The following PRKN variants were observed in gnomAD, a reference collection of about 807,000 sequenced individuals.
The protein encoded by PRKN is parkin RBR E3 ubiquitin protein ligase, also known as E3 ubiquitin-protein ligase parkin.
PRKN carries 56 observed loss-of-function variants against 59.5 expected under a neutral mutation model. The ratio of observed to expected loss-of-function variants is 0.94; its 90% confidence interval spans 0.76 to 1.18. The LOEUF (loss-of-function observed/expected upper bound fraction) is 1.18, where lower values mean the gene tolerates loss of function less well. PRKN is among the 50% of genes most tolerant of loss of function. PRKN has a pLI of 0.00. For missense variants in PRKN, 657 were observed against 596.4 expected (o/e 1.10, Z -1.06); for synonymous variants, 250 against 222.1 (o/e 1.13, Z -1.12).
chr6:162,727,341 G>GTGAGGGGCGGCGGCGGGGCGA (rs2128242793), intron 1 of PRKN: 1 of 404,520 alleles, frequency 2.5e-6, no homozygotes, highest in Non-Finnish European at 4.4e-6. Flanking sequence ...CGGGGAGAAG[G>GTGAGGGGCGGCGGCGGGGCGA]CTTCGGGACC....
At chr6:162,058,987 C>T (rs1314810168) in intron 4 of PRKN, among the ~76,000 whole-genome samples, 1 of 150,916 alleles carries the variant, frequency 6.6e-6, no homozygotes, top group Non-Finnish European at 1.5e-5. Context: ...AGAAGTAGCA[C>T]CAATAATTAA....
intron 5 of PRKN, among the ~76,000 whole-genome samples, chr6:162,005,430 A>G (rs1782211598): frequency 6.6e-6 from 1 of 152,154 alleles, no homozygotes. Flanking sequence ...CGACCTCTTC[A>G]CTTTGATTAA....
intron 2 of PRKN, among the ~76,000 whole-genome samples, chr6:162,293,317 T>G (rs146153461): frequency 6.6e-5 from 10 of 152,210 alleles, no homozygotes; most frequent in African/African-American, 9.6e-5. Context: ...AAAGAGTATT[T>G]CTCAAAGGGG....
At chr6:161,653,540 G>A (rs935613945) in intron 7 of PRKN, among the ~76,000 whole-genome samples, 1 of 152,052 alleles carries the variant, frequency 6.6e-6, no homozygotes, top group South Asian at 2.1e-4. Context: ...AATATCATCC[G>A]GGTGCGTGCC....
chr6:162,590,186 A>G (rs1781246110), intron 1 of PRKN, among the ~76,000 whole-genome samples: 1 of 152,200 alleles, frequency 6.6e-6, no homozygotes, highest in South Asian at 2.1e-4. Flanking sequence ...AAAGTAATAA[A>G]TGCTCATTAT....
intron 4 of PRKN, among the ~76,000 whole-genome samples, chr6:162,077,018 T>C (rs1188196628): frequency 1.3e-5 from 2 of 151,966 alleles, no homozygotes; most frequent in African/African-American, 4.8e-5. Flanking sequence ...GCATGATGAG[T>C]GTGTCACTTC....
intron 2 of PRKN, among the ~76,000 whole-genome samples, chr6:162,310,919 C>T (rs1782481414): frequency 6.6e-6 from 1 of 151,940 alleles, no homozygotes; most frequent in African/African-American, 2.4e-5. Flanking sequence ...CATATTATTA[C>T]ATAATTATTA....
chr6:161,651,220 A>G (rs1784137790), intron 7 of PRKN, among the ~76,000 whole-genome samples: 1 of 152,240 alleles, frequency 6.6e-6, no homozygotes, highest in African/African-American at 2.4e-5. Flanking sequence ...TTAGGTTCCA[A>G]TTAGCAGGGT....
chr6:162,040,951 G>A (rs1459039217), intron 5 of PRKN, among the ~76,000 whole-genome samples: 3 of 151,504 alleles, frequency 2.0e-5, no homozygotes, highest in African/African-American at 7.3e-5. Flanking sequence ...TTGGGAAGCC[G>A]AGGTGGGTAG....
chr6:161,760,239 G>A (rs1194459474), intron 7 of PRKN, among the ~76,000 whole-genome samples: 1 of 142,538 alleles, frequency 7.0e-6, no homozygotes, highest in African/African-American at 2.6e-5. Flanking sequence ...ACAATGCCAC[G>A]ATGTCAGACT....
At chr6:162,213,770 T>C (rs1443404311) in intron 3 of PRKN, among the ~76,000 whole-genome samples, 1 of 148,774 alleles carries the variant, frequency 6.7e-6, no homozygotes, top group Non-Finnish European at 1.5e-5. Context: ...TGTAGAATTA[T>C]TACTATAGTA....
rs1784637991 is a variant in PRKN at position 161,353,439 on chromosome 6, G to T, written c.1286-3228C>A. Among the ~76,000 whole-genome samples, 1 of 151,988 alleles carries T rather than the reference G, an allele frequency of 6.6e-6. No homozygotes were observed. Among genetic ancestry groups the T allele is most frequent in the Non-Finnish European group, 1.5e-5 (1 of 67,998 alleles). On this transcript the variant is annotated intron_variant, in intron 11 of 11. Transcript: ENST00000366898. The surrounding 1 kb of genome is among the most constrained non-coding windows in gnomAD (Gnocchi z 4.8). ...TTTCTGTCCCACCGCATTTCAACACGGCTGTCCATGCTTCCATCGTGCCTA... is the reference window on the plus strand; with the variant it reads ...TTTCTGTCCCACCGCATTTCAACACTGCTGTCCATGCTTCCATCGTGCCTA...
intron 8 of PRKN, among the ~76,000 whole-genome samples, chr6:161,564,050 A>C (rs1276231322): frequency 6.6e-6 from 1 of 152,206 alleles, no homozygotes; most frequent in Non-Finnish European, 1.5e-5. Flanking sequence ...TTGTCCAAGG[A>C]TGCTTGTAAC....
intron 2 of PRKN, among the ~76,000 whole-genome samples, chr6:162,348,501 A>G: frequency 6.6e-6 from 1 of 152,182 alleles, no homozygotes; most frequent in East Asian, 1.9e-4. Context: ...AATCAATGAC[A>G]TTTTCTATAA....
intron 6 of PRKN, among the ~76,000 whole-genome samples, chr6:161,946,734 A>T (rs1779796273): frequency 6.6e-6 from 1 of 152,194 alleles, no homozygotes. Context: ...CTGTAAAGAT[A>T]CATGTACACT....
At chr6:162,675,287 AT>A (rs1562488190) in intron 1 of PRKN, among the ~76,000 whole-genome samples, 1 of 151,856 alleles carries the variant, frequency 6.6e-6, no homozygotes, top group Non-Finnish European at 1.5e-5. Context: ...TGACCTCATG[AT>A]CCCCCCCGCC....
In PRKN at chr6:161,360,306, G is replaced by C; in HGVS notation, c.1168-101C>G. ...CGGTACAGGAAATTCTTGAAGACAG[G>C]AGTGCCTTCGGGCAAGAAGCCTAAA... On this transcript the variant is annotated intron_variant, in intron 10 of 11. Coordinates refer to ENST00000366898, the MANE Select transcript of PRKN (RefSeq NM_004562.3). This position sits in a 1 kb window ranked among gnomAD's most constrained non-coding sequence, Gnocchi z 5.1. 1 of 954,728 alleles carries C rather than the reference G, an allele frequency of 1.0e-6. No homozygotes were observed. The highest frequency in any genetic ancestry group is 1.7e-6 in the Non-Finnish European group (1 of 581,558). The allele number at this position is 954,728 out of a possible 1,614,324, so 59.1% of individuals were successfully genotyped here. A position where few individuals can be genotyped will look rare whatever the true frequency, so the allele number is the denominator to read the frequency against.
intron 1 of PRKN, among the ~76,000 whole-genome samples, chr6:162,653,819 G>A (rs2803098): frequency 0.92 from 139,511 of 152,270 alleles, 64,063 homozygotes; most frequent in Admixed American, 0.97. Flanking sequence ...CTTCATAGTA[G>A]TTAAAACAGA....
intron 1 of PRKN, among the ~76,000 whole-genome samples, chr6:162,727,444 G>C (rs1485113898): frequency 6.6e-6 from 1 of 152,104 alleles, no homozygotes; most frequent in Non-Finnish European, 1.5e-5. Flanking sequence ...GCTCAGAGCA[G>C]GGGCGGGCAG....
Sources: allele counts gnomAD v4.1 joint callset (sites outside exome capture counted in the v4.1 genomes callset), GRCh38; gene constraint gnomAD v4.1.1; non-coding constraint Gnocchi (gnomAD v3.1); transcripts MANE v1.5; gene names NCBI Gene and HGNC (gene_info 2026-07-23, HGNC 2026-07-21).